Variants in RFTN2 observed in about 807,000 individuals in gnomAD.
RFTN2 encodes raftlin family member 2.
A neutral mutation model predicts 52.7 loss-of-function variants in RFTN2; 34 were observed. The observed-to-expected ratio is 0.64, with a 90% confidence interval of 0.49 to 0.86. The LOEUF (loss-of-function observed/expected upper bound fraction) is 0.86. RFTN2 is among the 40% of genes least tolerant of loss of function. The pLI is 0.00. For synonymous variants in RFTN2, 203 were observed against 217.7 expected (o/e 0.93, Z 0.59); for missense variants, 536 against 600.1 (o/e 0.89, Z 1.12).
chr2:197,605,366 C>A (rs1251858008), intron 7 of RFTN2, among the ~76,000 whole-genome samples: 1 of 151,808 alleles, frequency 6.6e-6, no homozygotes, highest in South Asian at 2.1e-4. Flanking sequence ...CAGGCGCCCG[C>A]CACCACGCCC....
chr2:197,591,895 C>T (rs1271464300), intron 8 of RFTN2, among the ~76,000 whole-genome samples: 2 of 152,046 alleles, frequency 1.3e-5, no homozygotes, highest in African/African-American at 4.8e-5. Flanking sequence ...AAGCACTGTG[C>T]GCAGAACTGG....
chr2:197,581,214 T>C (rs1163838055), intron 8 of RFTN2, among the ~76,000 whole-genome samples: 3 of 152,224 alleles, frequency 2.0e-5, no homozygotes, highest in Non-Finnish European at 4.4e-5. Context: ...ATTTTACCTG[T>C]CCCAAAACCG....
intron 3 of RFTN2, among the ~76,000 whole-genome samples, chr2:197,636,233 G>A (rs1319259055): frequency 6.7e-6 from 1 of 149,958 alleles, no homozygotes; most frequent in African/African-American, 2.5e-5. Context: ...CTCTTTTTTG[G>A]TTCCATATGA....
At chr2:197,580,450 C>A (rs188117073) in intron 8 of RFTN2, among the ~76,000 whole-genome samples, 587 of 152,344 alleles carry the variant, frequency 3.9e-3, no homozygotes, top group African/African-American at 0.013. Context: ...TCCTCCTAAG[C>A]CATATCCCAT....
At chr2:197,573,337 C>G (rs2087350788) in intron 8 of RFTN2, among the ~76,000 whole-genome samples, 1 of 152,158 alleles carries the variant, frequency 6.6e-6, no homozygotes, top group Non-Finnish European at 1.5e-5. Flanking sequence ...TTGTTGGGAA[C>G]TGGAGCAAAG....
Position 197,675,435 on chromosome 2 carries a change from T to A in RFTN2, c.24A>T (p.Leu8=). 6.3e-7 allele frequency: 1 copy of A among 1,597,962 alleles called. No homozygotes were observed. Among genetic ancestry groups the A allele is most frequent in the Non-Finnish European group, 8.5e-7 (1 of 1,172,528 alleles). Residue 8 remains leucine, a synonymous_variant, in exon 1 of 9, where the codon CTA becomes CTT. Coordinates refer to ENST00000295049, the MANE Select transcript of RFTN2 (RefSeq NM_144629.3). ...CAGGGCTGCTATCATCAGGGTCTTC[T>A]AGCTTTCTAAGTCCGCACCCCATGG... MGCGLRK[L]EDPDDSSPGK... is the part of the protein sequence containing the mutation.
intron 2 of RFTN2, among the ~76,000 whole-genome samples, chr2:197,645,298 G>C (rs180797258): frequency 2.4e-4 from 37 of 152,270 alleles, no homozygotes; most frequent in African/African-American, 7.7e-4. Flanking sequence ...GTACAGGTTT[G>C]GAGTCTCAGA....
chr2:197,579,315 C>G (rs1574675625), intron 8 of RFTN2, among the ~76,000 whole-genome samples: 2 of 152,210 alleles, frequency 1.3e-5, no homozygotes, highest in African/African-American at 4.8e-5. Flanking sequence ...TCTACCCTCT[C>G]TTTTCTCTGG....
chr2:197,644,077 T>C, intron 3 of RFTN2, 81 bp downstream of exon 3: 1 of 855,238 alleles, frequency 1.2e-6, no homozygotes, highest in Non-Finnish European at 2.0e-6. Flanking sequence ...CTTATTCTTT[T>C]TAGGGTAAAA....
chr2:197,619,605 C>T (rs2088223147), intron 5 of RFTN2, among the ~76,000 whole-genome samples: 1 of 148,706 alleles, frequency 6.7e-6, no homozygotes, highest in African/African-American at 2.5e-5. Flanking sequence ...ACAAACACTG[C>T]GGAAGGCCGC....
At chr2:197,668,701 G>C (rs552469085) in intron 1 of RFTN2, among the ~76,000 whole-genome samples, 4 of 152,108 alleles carry the variant, frequency 2.6e-5, no homozygotes, top group Non-Finnish European at 5.9e-5. Context: ...CTAGATCTAG[G>C]ACAGTACTTG....
chr2:197,644,305 G>A (rs747305608), intron 2 of RFTN2, 33 bp from the exon 3 acceptor site: 1 of 1,165,664 alleles, frequency 8.6e-7, no homozygotes, highest in Non-Finnish European at 1.3e-6. Context: ...ATGGTTGGAG[G>A]CCAATTGCTG....
chr2:197,644,681 C>G (rs776727007), intron 2 of RFTN2, among the ~76,000 whole-genome samples: 1 of 152,194 alleles, frequency 6.6e-6, no homozygotes, highest in Non-Finnish European at 1.5e-5. Flanking sequence ...TTCGGCTTGC[C>G]AGGGTACTGC....
chr2:197,616,337 G>T (rs1237980862), intron 6 of RFTN2, among the ~76,000 whole-genome samples: 1 of 43,948 alleles, frequency 2.3e-5, no homozygotes, highest in Non-Finnish European at 5.3e-5. Context: ...CTACATCCAG[G>T]CTAGGGTGCA....
At chr2:197,600,358 C>G (rs947414915) in intron 7 of RFTN2, among the ~76,000 whole-genome samples, 1 of 152,170 alleles carries the variant, frequency 6.6e-6, no homozygotes, top group Non-Finnish European at 1.5e-5. Flanking sequence ...CTCTTGGGGA[C>G]GTCCTCATAG....
intron 5 of RFTN2, among the ~76,000 whole-genome samples, chr2:197,625,931 A>G (rs2088352329): frequency 1.3e-5 from 2 of 151,660 alleles, no homozygotes; most frequent in Non-Finnish European, 2.9e-5. Context: ...AGCTGGAACT[A>G]CAGGCACCCA....
At chr2:197,644,407 A>G in intron 2 of RFTN2, 135 bp from the exon 3 acceptor site, 2 of 516,570 alleles carry the variant, frequency 3.9e-6, no homozygotes. Context: ...CCTGATGGCT[A>G]TCTTCTTATA....
At chr2:197,607,091 C>A (rs898845442) in intron 7 of RFTN2, among the ~76,000 whole-genome samples, 2 of 151,960 alleles carry the variant, frequency 1.3e-5, no homozygotes, top group African/African-American at 2.4e-5. Flanking sequence ...AAATGTCCAA[C>A]AATGATAGAC....
intron 7 of RFTN2, among the ~76,000 whole-genome samples, chr2:197,601,612 C>T (rs1050761604): frequency 4.0e-5 from 6 of 151,790 alleles, no homozygotes; most frequent in South Asian, 4.2e-4. Context: ...TCACTGAAGC[C>T]CTGACTACAG....
Sources: gnomAD v4.1 joint callset for allele counts (sites outside exome capture counted in the v4.1 genomes callset) on GRCh38, gnomAD v4.1.1 for gene constraint, MANE v1.5 for transcripts, NCBI Gene and HGNC (gene_info 2026-07-23, HGNC 2026-07-21) for gene names.